The following KSR2 variants were observed in gnomAD, a reference collection of about 807,000 sequenced individuals.
KSR2 encodes the protein kinase suppressor of ras 2.
A neutral mutation model predicts 107.8 loss-of-function variants in KSR2; 25 were observed. That is an observed-to-expected ratio of 0.23 (90% CI 0.17 to 0.32). The LOEUF (loss-of-function observed/expected upper bound fraction) is 0.32, where lower values mean the gene tolerates loss of function less well. Ranked by LOEUF, KSR2 falls within the 10% of genes least tolerant of loss-of-function variation. The pLI, the probability that KSR2 is intolerant of heterozygous loss-of-function variation, is 1.00. For missense variants in KSR2, 887 were observed against 1,268.9 expected, an observed-to-expected ratio of 0.70 and a Z score of 4.57; for synonymous variants, 480 against 507.0, an observed-to-expected ratio of 0.95 and a Z score of 0.71.
chr12:117,471,204 C>T lies in KSR2; in HGVS notation c.2699G>A (p.Gly900Glu). 6.2e-7 allele frequency: 1 copy of T among 1,613,908 alleles called. No homozygotes were observed. Among genetic ancestry groups the T allele is most frequent in the Non-Finnish European group, 8.5e-7 (1 of 1,179,824 alleles). Residue 900 changes from glycine to glutamate, a missense_variant, in exon 18 of 20, where the codon GGA becomes GAA. Around this residue, in one of 8 missense-constraint regions of KSR2, gnomAD observed 308 missense variants for 506.2 expected, o/e 0.61. Coordinates refer to ENST00000339824, the MANE Select transcript of KSR2 (RefSeq NM_173598.6). ...MKPNLSQIGMGKEISDILLFC... is the reference protein window; with the variant it reads ...MKPNLSQIGMEKEISDILLFC... ...CTTGGGACTTACCGAGATTTCTTTT[C>T]CCATGCCAATCTGGCTGAGGTTGGG...
chr12:117,485,781 A>G, intron 14 of KSR2, 90 bp from the exon 15 acceptor site: 7 of 848,064 alleles, frequency 8.3e-6, no homozygotes, highest in Non-Finnish European at 1.4e-5. Flanking sequence ...ATGATGGCAT[A>G]GACACGTGGA....
At chr12:117,896,962 C>T (rs2137378747) in intron 1 of KSR2, among the ~76,000 whole-genome samples, 1 of 152,234 alleles carries the variant, frequency 6.6e-6, no homozygotes, top group South Asian at 2.1e-4. Context: ...GGTTAAGGAT[C>T]CAGTGTTCAC....
At chr12:117,884,148 C>G (rs1894107243) in intron 1 of KSR2, among the ~76,000 whole-genome samples, 1 of 152,096 alleles carries the variant, frequency 6.6e-6, no homozygotes, top group Non-Finnish European at 1.5e-5. Flanking sequence ...AATGAAGGGC[C>G]TCCTCCATGT....
chr12:117,794,106 T>TCACACCAACATGCACACA (rs1555241597), intron 3 of KSR2, among the ~76,000 whole-genome samples: 660 of 39,470 alleles, frequency 0.017, 53 homozygotes, highest in Non-Finnish European at 0.022. Flanking sequence ...ACATGCACAC[T>TCACACCAACATGCACACA]CACACCAACA....
At chr12:117,805,708 G>A (rs541363131) in intron 3 of KSR2, among the ~76,000 whole-genome samples, 21 of 152,332 alleles carry the variant, frequency 1.4e-4, no homozygotes, top group African/African-American at 1.7e-4. Flanking sequence ...CAGGCTAGGC[G>A]CAGTGGCTCA....
At chr12:117,629,531 G>C (rs1210137526) in intron 5 of KSR2, among the ~76,000 whole-genome samples, 1 of 152,208 alleles carries the variant, frequency 6.6e-6, no homozygotes, top group African/African-American at 2.4e-5. Flanking sequence ...GTTGGTCACA[G>C]ATTTGATTTT....
At position 117,916,132 on chromosome 12, in the gene KSR2, C is replaced by CTTTTT. The variant is rs199898514; in HGVS notation, c.180+51943_180+51944insAAAAA. On this transcript the variant is annotated intron_variant, in intron 1 of 19. Transcript: ENST00000339824. ...TTTAAATTTTGAGTTTTTATTTCTT[C>CTTTTT]TTCTTTTTTTTTTTTTTTTTTTGAG... Among the ~76,000 whole-genome samples the CTTTTT allele has an allele frequency of 2.1e-4, 26 of 125,704 alleles. 1 individual carries two copies. Among genetic ancestry groups the CTTTTT allele is most frequent in the South Asian group, 5.7e-4 (2 of 3,530 alleles). 82.5% of individuals were successfully genotyped at this position (125,704 alleles called of 152,430 possible). A position where few individuals can be genotyped will look rare whatever the true frequency, so the allele number is the denominator to read the frequency against.
chr12:117,915,454 C>T (rs572602863), intron 1 of KSR2, among the ~76,000 whole-genome samples: 1 of 152,338 alleles, frequency 6.6e-6, no homozygotes, highest in Non-Finnish European at 1.5e-5. Context: ...AACATTCAGT[C>T]CATTACACTT....
At chr12:117,806,334 C>T (rs1891005923) in intron 3 of KSR2, among the ~76,000 whole-genome samples, 1 of 152,140 alleles carries the variant, frequency 6.6e-6, no homozygotes, top group South Asian at 2.1e-4. Flanking sequence ...ATTAAATCAG[C>T]TCTAGGAGTG....
chr12:117,676,470 G>A (rs1885123981), intron 4 of KSR2, among the ~76,000 whole-genome samples: 1 of 151,478 alleles, frequency 6.6e-6, no homozygotes, highest in African/African-American at 2.4e-5. Flanking sequence ...ATACTAAGAA[G>A]GAGAAAAAGA....
intron 4 of KSR2, among the ~76,000 whole-genome samples, chr12:117,728,416 G>A (rs576709630): frequency 1.3e-5 from 2 of 152,314 alleles, no homozygotes; most frequent in South Asian, 4.1e-4. Context: ...CTTCACCGGA[G>A]TCCAAGTTTG....
chr12:117,860,189 G>C, intron 2 of KSR2, 102 bp downstream of exon 2: 4 of 1,216,992 alleles, frequency 3.3e-6, no homozygotes, highest in Non-Finnish European at 4.6e-6. Context: ...CTATGTGCCA[G>C]GGACTGTGCT....
At chr12:117,616,399 C>T (rs565401150) in intron 5 of KSR2, among the ~76,000 whole-genome samples, 1 of 152,290 alleles carries the variant, frequency 6.6e-6, no homozygotes, top group South Asian at 2.1e-4. Flanking sequence ...TGTTCAATAA[C>T]TAAATAACTT....
chr12:117,721,972 T>A lies in KSR2; in HGVS notation c.986+39039A>T, dbSNP rs116562266. ...TGTCCAATATGGCAGCCACCAGCCA[T>A]ATATGGTTATTGAGCACATGAAATA... On this transcript the variant is annotated intron_variant, in intron 4 of 19. Coordinates refer to ENST00000339824, the MANE Select transcript of KSR2 (RefSeq NM_173598.6). Among the ~76,000 whole-genome samples, 1,184 of 152,294 alleles carry A rather than the reference T, an allele frequency of 7.8e-3. 19 individuals are homozygous for A. The highest frequency in any genetic ancestry group is 0.027 in the African/African-American group (1,136 of 41,552).
At chr12:117,542,123 G>A (rs1876536857) in intron 9 of KSR2, among the ~76,000 whole-genome samples, 1 of 151,982 alleles carries the variant, frequency 6.6e-6, no homozygotes, top group African/African-American at 2.4e-5. Context: ...TTGGGCTCAT[G>A]CGATCTGATC....
At chr12:117,528,718 G>C (rs1330671173) in intron 12 of KSR2, among the ~76,000 whole-genome samples, 4 of 152,234 alleles carry the variant, frequency 2.6e-5, no homozygotes, top group Non-Finnish European at 1.5e-5. Context: ...GGGGAGACTT[G>C]GCTGGGACAA....
intron 9 of KSR2, among the ~76,000 whole-genome samples, chr12:117,541,398 C>T (rs4766859): frequency 0.65 from 97,688 of 151,430 alleles, 31,692 homozygotes; most frequent in Admixed American, 0.72. Flanking sequence ...TGGAAAGGGA[C>T]AGATTGGTGC....
At chr12:117,924,443 G>T (rs1234815220) in intron 1 of KSR2, among the ~76,000 whole-genome samples, 1 of 150,616 alleles carries the variant, frequency 6.6e-6, no homozygotes, top group Admixed American at 6.6e-5. Context: ...ATGGTGGCAG[G>T]CGCCTGTAAT....
intron 3 of KSR2, among the ~76,000 whole-genome samples, chr12:117,793,397 C>G (rs969760621): frequency 4.8e-5 from 7 of 145,160 alleles, no homozygotes; most frequent in African/African-American, 1.8e-4. Context: ...GCACCCATAC[C>G]AACATGCACA....
Sources: gnomAD v4.1 joint callset for allele counts (sites outside exome capture counted in the v4.1 genomes callset) on GRCh38, gnomAD v4.1.1 for gene constraint, gnomAD v4.1.1 regional missense constraint, MANE v1.5 for transcripts, NCBI Gene and HGNC (gene_info 2026-07-23, HGNC 2026-07-21) for gene names.